APPBP2: variants seen among roughly 807,000 people sequenced by gnomAD.
APPBP2 encodes amyloid protein-binding protein 2.
In APPBP2, 15 loss-of-function variants were observed where a neutral mutation model predicts 76.0. The ratio of observed to expected loss-of-function variants is 0.20; its 90% CI spans 0.13 to 0.30. The LOEUF is 0.30. Among genes scored for constraint, APPBP2 ranks in the 10% least tolerant of loss-of-function variants. APPBP2 has a pLI of 1.00. For missense variants in APPBP2, 401 were observed against 687.2 expected, an observed-to-expected ratio of 0.58 and a Z score of 4.66; for synonymous variants, 222 against 242.2, an observed-to-expected ratio of 0.92 and a Z score of 0.77.
At chr17:60,485,445 C>T (rs2090666383) in intron 3 of APPBP2, among the ~76,000 whole-genome samples, 1 of 152,214 alleles carries the variant, frequency 6.6e-6, no homozygotes, top group Non-Finnish European at 1.5e-5. Flanking sequence ...GTGTATGTGT[C>T]CGGGCATTTA....
intron 1 of APPBP2, among the ~76,000 whole-genome samples, chr17:60,515,564 T>A (rs1567942415): frequency 6.6e-6 from 1 of 152,230 alleles, no homozygotes; most frequent in Non-Finnish European, 1.5e-5. Flanking sequence ...GCTCCCCTCA[T>A]ATCTGTCCCT....
At chr17:60,490,792 G>C (rs1330078853) in intron 3 of APPBP2, among the ~76,000 whole-genome samples, 2 of 152,098 alleles carry the variant, frequency 1.3e-5, no homozygotes, top group African/African-American at 4.8e-5. Context: ...GTTTTATAAG[G>C]GGTTTCCCCT....
chr17:60,518,647 GCATGTGCCAC>G, intron 1 of APPBP2, among the ~76,000 whole-genome samples: 2 of 152,132 alleles, frequency 1.3e-5, no homozygotes, highest in Middle Eastern at 6.8e-3. Context: ...GGGACCGTAG[GCATGTGCCAC>G]CATGTCTGGC....
At chr17:60,511,317 T>C (rs2090910663) in intron 1 of APPBP2, among the ~76,000 whole-genome samples, 2 of 152,080 alleles carry the variant, frequency 1.3e-5, no homozygotes, top group African/African-American at 2.4e-5. Context: ...CCGGGCGCGG[T>C]GGCTCACGCC....
intron 2 of APPBP2, among the ~76,000 whole-genome samples, chr17:60,498,396 T>C (rs1411049585): frequency 6.6e-6 from 1 of 152,172 alleles, no homozygotes; most frequent in Non-Finnish European, 1.5e-5. Flanking sequence ...ACTTCTTGAG[T>C]TGTCTTAAAT....
intron 3 of APPBP2, among the ~76,000 whole-genome samples, chr17:60,489,516 C>G (rs535570757): frequency 6.8e-5 from 10 of 146,680 alleles, no homozygotes; most frequent in Admixed American, 5.6e-4. Flanking sequence ...GAGGCTGAGG[C>G]AGCAGAATCA....
chr17:60,525,662 C>A, intron 1 of APPBP2, 132 bp downstream of exon 1: 1 of 1,383,652 alleles, frequency 7.2e-7, no homozygotes, highest in Non-Finnish European at 9.8e-7. Context: ...ATGCAGACAC[C>A]GCACCAGACG....
intron 1 of APPBP2, among the ~76,000 whole-genome samples, chr17:60,502,195 G>A (rs1012019496): frequency 2.6e-5 from 4 of 152,154 alleles, no homozygotes; most frequent in African/African-American, 9.7e-5. Context: ...TCTGAGTGCT[G>A]GGGTTACAGG....
chr17:60,525,465 T>TA (rs1178367189), intron 1 of APPBP2, among the ~76,000 whole-genome samples: 1 of 151,952 alleles, frequency 6.6e-6, no homozygotes. Context: ...ATCCTGAAGA[T>TA]ACGGGCTAGA....
intron 3 of APPBP2, among the ~76,000 whole-genome samples, chr17:60,492,121 T>C (rs991484723): frequency 3.9e-5 from 6 of 152,128 alleles, no homozygotes; most frequent in African/African-American, 1.4e-4. Flanking sequence ...AGGGGGCAAG[T>C]CCCAAGCCTT....
chr17:60,461,938 T>C, intron 7 of APPBP2, 23 bp from the exon 8 acceptor site: 1 of 1,608,122 alleles, frequency 6.2e-7, no homozygotes, highest in Non-Finnish European at 8.5e-7. Context: ...ACAAAATTAT[T>C]AGGATATAAA....
At position 60,445,227 on chromosome 17, in the gene APPBP2, A is replaced by T. The variant is rs970613531; in HGVS notation, c.*2354T>A. 2 of 152,670 alleles carry T rather than the reference A, an allele frequency of 1.3e-5. No homozygotes were observed. Among genetic ancestry groups the T allele is most frequent in the African/African-American group, 4.8e-5 (2 of 41,464 alleles). The allele number at this position is 152,670 out of a possible 1,614,324, so 9.5% of individuals were successfully genotyped here. A position where few individuals can be genotyped will look rare whatever the true frequency, so the allele number is the denominator to read the frequency against. On this transcript the variant is annotated 3_prime_UTR_variant, in exon 13 of 13. Transcript: ENST00000083182. ...AAACTACATTAAAGCAGTGGTGATA[A>T]GGAGAAACTGCCAATAATGATGTTT...
chr17:60,474,283 C>A (rs1567925804), intron 4 of APPBP2, among the ~76,000 whole-genome samples: 1 of 151,664 alleles, frequency 6.6e-6, no homozygotes, highest in South Asian at 2.1e-4. Flanking sequence ...CGATTCTCCT[C>A]CCTCAGCCTC....
At chr17:60,449,941 C>T (rs866243378) in intron 12 of APPBP2, among the ~76,000 whole-genome samples, 350 of 151,840 alleles carry the variant, frequency 2.3e-3, no homozygotes, top group African/African-American at 8.2e-3. Flanking sequence ...GGATTACAGG[C>T]GTACTGTACC....
chr17:60,521,602 G>A (rs898133039), intron 1 of APPBP2, among the ~76,000 whole-genome samples: 1 of 148,936 alleles, frequency 6.7e-6, no homozygotes, highest in Non-Finnish European at 1.5e-5. Context: ...TTTTTGTGAA[G>A]AATGGGGTCT....
chr17:60,497,062 A>C (rs1598366204), intron 2 of APPBP2, among the ~76,000 whole-genome samples: 2 of 152,320 alleles, frequency 1.3e-5, no homozygotes, highest in African/African-American at 4.8e-5. Flanking sequence ...TCTAAAATAC[A>C]AACTCCATGA....
intron 4 of APPBP2, among the ~76,000 whole-genome samples, chr17:60,474,291 C>T (rs895879338): frequency 1.2e-4 from 19 of 152,110 alleles, no homozygotes; most frequent in African/African-American, 4.6e-4. Context: ...CTCCCTCAGC[C>T]TCCCGAAGTA....
At chr17:60,475,095 T>C (rs958985151) in intron 4 of APPBP2, among the ~76,000 whole-genome samples, 3 of 152,014 alleles carry the variant, frequency 2.0e-5, no homozygotes, top group Non-Finnish European at 4.4e-5. Flanking sequence ...CTGGGCATGG[T>C]GGCGGGCGCC....
intron 2 of APPBP2, among the ~76,000 whole-genome samples, chr17:60,497,892 A>G (rs1465939096): frequency 6.6e-6 from 1 of 152,072 alleles, no homozygotes; most frequent in Non-Finnish European, 1.5e-5. Flanking sequence ...TAACCCCAGC[A>G]CTTTGGGAGG....
Sources: gnomAD v4.1 joint callset for allele counts (sites outside exome capture counted in the v4.1 genomes callset) on GRCh38, gnomAD v4.1.1 for gene constraint, MANE v1.5 for transcripts, NCBI Gene and HGNC (gene_info 2026-07-23, HGNC 2026-07-21) for gene names.